The following KCNMA1 variants were observed in gnomAD, a reference collection of about 807,000 sequenced individuals.
The protein encoded by KCNMA1 is Calcium-activated potassium channel subunit alpha-1.
Under a neutral mutation model 140.0 loss-of-function variants are expected in KCNMA1, and 29 were observed. The ratio of observed to expected loss-of-function variants is 0.21; its 90% CI spans 0.15 to 0.28. KCNMA1 has a LOEUF of 0.28. KCNMA1 is among the 10% of genes least tolerant of loss of function. The pLI is 1.00. For missense variants in KCNMA1, 880 were observed against 1,602.2 expected, an observed-to-expected ratio of 0.55 and a Z score of 7.70; for synonymous variants, 612 against 611.9, an observed-to-expected ratio of 1.00 and a Z score of 0.00.
chr10:77,580,321 C>CA (rs2154562764), intron 1 of KCNMA1, among the ~76,000 whole-genome samples: 1 of 147,922 alleles, frequency 6.8e-6, no homozygotes, highest in African/African-American at 2.5e-5. Flanking sequence ...GTGGAGCTTG[C>CA]AGTGAGCCGA....
chr10:77,367,130 G>A (rs558837461), intron 2 of KCNMA1, among the ~76,000 whole-genome samples: 4 of 152,280 alleles, frequency 2.6e-5, no homozygotes, highest in Non-Finnish European at 5.9e-5. Flanking sequence ...TGGCAGGGTC[G>A]GGGATGGCTT....
intron 25 of KCNMA1, among the ~76,000 whole-genome samples, chr10:76,896,866 A>G (rs1160143854): frequency 6.6e-6 from 1 of 152,168 alleles, no homozygotes; most frequent in Non-Finnish European, 1.5e-5. Context: ...ATGCTAAAAA[A>G]AAAACCACTG....
At chr10:77,409,877 A>G (rs905946200) in intron 1 of KCNMA1, among the ~76,000 whole-genome samples, 1 of 152,184 alleles carries the variant, frequency 6.6e-6, no homozygotes, top group Non-Finnish European at 1.5e-5. Flanking sequence ...AAGTCATGTC[A>G]TTCCTCAAAC....
intron 1 of KCNMA1, among the ~76,000 whole-genome samples, chr10:77,543,811 TAAG>T (rs2060755718): frequency 6.6e-6 from 1 of 152,064 alleles, no homozygotes; most frequent in African/African-American, 2.4e-5. Context: ...ATAATTAAAA[TAAG>T]AAAGGGGGTA....
At chr10:77,393,662 C>T (rs1439347198) in intron 2 of KCNMA1, among the ~76,000 whole-genome samples, 1 of 152,190 alleles carries the variant, frequency 6.6e-6, no homozygotes, top group Non-Finnish European at 1.5e-5. Flanking sequence ...AGATGGGTGT[C>T]CCAGGGAGAG....
At chr10:77,228,341 G>T (rs962119368) in intron 3 of KCNMA1, among the ~76,000 whole-genome samples, 9 of 152,222 alleles carry the variant, frequency 5.9e-5, no homozygotes, top group Admixed American at 5.9e-4. Flanking sequence ...TTTCCTGGTA[G>T]CCAATCTATA....
intron 1 of KCNMA1, among the ~76,000 whole-genome samples, chr10:77,499,405 A>G (rs1444979208): frequency 3.9e-5 from 2 of 50,878 alleles, no homozygotes; most frequent in Non-Finnish European, 8.4e-5. Context: ...GTAGGCATGT[A>G]TATATATATA....
At chr10:77,262,104 C>A (rs1338283667) in intron 2 of KCNMA1, among the ~76,000 whole-genome samples, 1 of 152,150 alleles carries the variant, frequency 6.6e-6, no homozygotes, top group Non-Finnish European at 1.5e-5. Context: ...AGCTGGGACT[C>A]AAACAAATAC....
chr10:77,044,454 G>T (rs976556440), intron 14 of KCNMA1, among the ~76,000 whole-genome samples: 5 of 152,042 alleles, frequency 3.3e-5, no homozygotes, highest in Non-Finnish European at 1.5e-5. Flanking sequence ...TTTGAGACCA[G>T]CCTGGGCAAC....
At chr10:77,020,208 C>G (rs1457222059) in intron 16 of KCNMA1, 4 of 152,086 alleles carry the variant, frequency 2.6e-5, no homozygotes, top group African/African-American at 9.7e-5. Context: ...CCCAAACAAT[C>G]AAAATATAGA....
At chr10:77,063,308 G>C (rs1033128120) in intron 14 of KCNMA1, among the ~76,000 whole-genome samples, 2 of 152,048 alleles carry the variant, frequency 1.3e-5, no homozygotes, top group Admixed American at 6.6e-5. Context: ...AGCTACTTGG[G>C]AGACTGAGGC....
At chr10:77,166,532 GGC>G (rs1224045316) in intron 5 of KCNMA1, among the ~76,000 whole-genome samples, 1 of 151,888 alleles carries the variant, frequency 6.6e-6, no homozygotes, top group Non-Finnish European at 1.5e-5. Context: ...AAGTCGCTAT[GGC>G]CAAAAATGAT....
At chr10:77,119,089 C>T (rs950948131) in intron 6 of KCNMA1, among the ~76,000 whole-genome samples, 1 of 152,346 alleles carries the variant, frequency 6.6e-6, no homozygotes, top group African/African-American at 2.4e-5. Flanking sequence ...CCATTCTCTC[C>T]CTCGTCCCCT....
Position 77,383,012 on chromosome 10 carries a change from A to G in KCNMA1, c.540+20850T>C, listed in dbSNP as rs1437279739. On this transcript the variant is annotated intron_variant, in intron 2 of 27. Coordinates refer to ENST00000286628, the MANE Select transcript of KCNMA1 (RefSeq NM_001161352.2). ...TGTGTGTGTATATATATATATATAT[A>G]TATATATATATATATATTCCAAGTG... 2.7e-3 allele frequency among the ~76,000 whole-genome samples: 342 copies of G among 127,038 alleles called. 3 individuals carry two copies. The highest frequency in any genetic ancestry group is 0.011 in the African/African-American group (319 of 30,126). The allele number at this position is 127,038 out of a possible 152,430, so 83.3% of individuals were successfully genotyped here. A position where few individuals can be genotyped will look rare whatever the true frequency, so the allele number is the denominator to read the frequency against.
rs80211020 is a variant in KCNMA1 at position 77,213,338 on chromosome 10, C to T, written c.603-28422G>A. On this transcript the variant is annotated intron_variant, in intron 3 of 27. Coordinates refer to ENST00000286628, the MANE Select transcript of KCNMA1 (RefSeq NM_001161352.2). The stretch of plus-strand genomic sequence containing the variant: ...CCTAATGTATCCTTTGACTTTTATA[C>T]TCCACAGGAATCAAAGGCAGTAGGC... Among the ~76,000 whole-genome samples the T allele has an allele frequency of 1.0e-2, 1,517 of 152,242 alleles. 31 individuals are homozygous for T. The highest frequency in any genetic ancestry group is 0.034 in the African/African-American group (1,425 of 41,538).
chr10:77,544,176 GTGT>G (rs2060876123), intron 1 of KCNMA1, among the ~76,000 whole-genome samples: 1 of 151,702 alleles, frequency 6.6e-6, no homozygotes, highest in Non-Finnish European at 1.5e-5. Flanking sequence ...GTGTGTGTGT[GTGT>G]GTGTGTGTGT....
intron 2 of KCNMA1, among the ~76,000 whole-genome samples, chr10:77,324,967 CTCTCTGTGTG>C (rs1421006983): frequency 6.2e-5 from 6 of 97,294 alleles, no homozygotes; most frequent in African/African-American, 3.3e-4. Context: ...CTCTCTCTCT[CTCTCTGTGTG>C]TGTGTGTGTG....
intron 14 of KCNMA1, among the ~76,000 whole-genome samples, chr10:77,065,650 T>A (rs1595131525): frequency 6.6e-6 from 1 of 151,088 alleles, no homozygotes; most frequent in South Asian, 2.1e-4. Context: ...CTGACTTATT[T>A]AAAAAAAAAC....
At chr10:77,094,315 C>G (rs2096879290) in intron 9 of KCNMA1, among the ~76,000 whole-genome samples, 1 of 152,102 alleles carries the variant, frequency 6.6e-6, no homozygotes, top group African/African-American at 2.4e-5. Context: ...ATCTGGGTCT[C>G]CCACTTCAGT....
Sources: gnomAD v4.1 joint callset for allele counts (sites outside exome capture counted in the v4.1 genomes callset) on GRCh38, gnomAD v4.1.1 for gene constraint, MANE v1.5 for transcripts, NCBI Gene and HGNC (gene_info 2026-07-23, HGNC 2026-07-21) for gene names.